Variants in HTR2A observed in about 807,000 individuals in gnomAD.
HTR2A encodes the protein 5-HT2 receptor.
In HTR2A, 14 loss-of-function variants were observed where a neutral mutation model predicts 31.0. That is an observed-to-expected ratio of 0.45 (90% CI 0.30 to 0.71). The LOEUF (loss-of-function observed/expected upper bound fraction) is 0.71. Among genes scored for constraint, HTR2A ranks in the 30% least tolerant of loss-of-function variants. The probability of loss-of-function intolerance (pLI) is 0.09; values close to 1 mark genes in which losing one functional copy is unlikely to be tolerated. For synonymous variants in HTR2A, 209 were observed against 225.2 expected (o/e 0.93, Z 0.64); for missense variants, 442 against 573.3 (o/e 0.77, Z 2.34).
At chr13:46,872,280 C>A (rs1950868035) in intron 3 of HTR2A, among the ~76,000 whole-genome samples, 1 of 152,134 alleles carries the variant, frequency 6.6e-6, no homozygotes, top group Admixed American at 6.5e-5. Flanking sequence ...TAAGACATAG[C>A]CCCTGTCCTT....
At chr13:46,892,354 AT>A in intron 3 of HTR2A, 35 bp downstream of exon 3, 1 of 1,586,912 alleles carries the variant, frequency 6.3e-7, no homozygotes. Context: ...ACGAACTGTC[AT>A]TTCAAATGAG....
chr13:46,887,054 C>A (rs879233377), intron 3 of HTR2A, among the ~76,000 whole-genome samples: 1 of 152,108 alleles, frequency 6.6e-6, no homozygotes. Flanking sequence ...CTAAAAGACT[C>A]CACTCTGGAG....
At chr13:46,876,396 A>ATT in intron 3 of HTR2A, among the ~76,000 whole-genome samples, 1 of 85,876 alleles carries the variant, frequency 1.2e-5, no homozygotes, top group Non-Finnish European at 2.1e-5. Flanking sequence ...ATATATATAT[A>ATT]TATATATATT....
chr13:46,863,152 G>A (rs1950792996), intron 3 of HTR2A, among the ~76,000 whole-genome samples: 1 of 151,960 alleles, frequency 6.6e-6, no homozygotes, highest in African/African-American at 2.4e-5. Flanking sequence ...AAGTATAAAT[G>A]GTTATACAAA....
In HTR2A at chr13:46,834,541, T is replaced by G; in HGVS notation, c.*296A>C. On this transcript the variant is annotated 3_prime_UTR_variant, in exon 4 of 4. Coordinates refer to ENST00000542664, the MANE Select transcript of HTR2A (RefSeq NM_000621.5). Reference sequence around the variant, plus strand: ...TTGAAAATAGAAGTTAATTTAGATTTACTTAGGGCTTCATAATTATACAAT... The same window carrying G: ...TTGAAAATAGAAGTTAATTTAGATTGACTTAGGGCTTCATAATTATACAAT... 1 of 295,960 alleles carries G rather than the reference T, an allele frequency of 3.4e-6. No homozygotes were observed. Among genetic ancestry groups the G allele is most frequent in the Non-Finnish European group, 6.3e-6 (1 of 159,344 alleles). The allele number at this position is 295,960 out of a possible 1,614,324, so 18.3% of individuals were successfully genotyped here.
At chr13:46,881,435 C>T (rs1337027176) in intron 3 of HTR2A, among the ~76,000 whole-genome samples, 1 of 152,122 alleles carries the variant, frequency 6.6e-6, no homozygotes, top group African/African-American at 2.4e-5. Context: ...TGGGGCAGTG[C>T]CTGGATCTCT....
chr13:46,832,414 ATACT>A lies in HTR2A; in HGVS notation c.*2419_*2422del, dbSNP rs1876276845. On this transcript the variant is annotated 3_prime_UTR_variant, in exon 4 of 4. Coordinates refer to ENST00000542664, the MANE Select transcript of HTR2A (RefSeq NM_000621.5). Reference sequence around the variant, plus strand: ...GCCTATACAGTATACACTTGAATAGATACTTATGGAAGAAAAAAACACATACACA... The same window carrying A: ...GCCTATACAGTATACACTTGAATAGATATGGAAGAAAAAAACACATACACA... The A allele has an allele frequency of 6.6e-6, 1 of 152,230 alleles. No homozygotes were observed. The highest frequency in any genetic ancestry group is 3.2e-3 in the Middle Eastern group (1 of 316). 9.4% of individuals were successfully genotyped at this position (152,230 alleles called of 1,614,324 possible). A position where few individuals can be genotyped will look rare whatever the true frequency, so the allele number is the denominator to read the frequency against.
chr13:46,881,086 G>A (rs902671485), intron 3 of HTR2A, among the ~76,000 whole-genome samples: 2 of 152,174 alleles, frequency 1.3e-5, no homozygotes, highest in African/African-American at 4.8e-5. Context: ...TGTCCCGAAG[G>A]ACAACCGAGG....
intron 3 of HTR2A, among the ~76,000 whole-genome samples, chr13:46,866,284 C>G (rs9534502): frequency 0.04 from 6,124 of 152,182 alleles, 167 homozygotes; most frequent in South Asian, 0.095. Flanking sequence ...ATAGGCTTAC[C>G]GAGAAAGCTG....
At chr13:46,891,387 G>A (rs1951051381) in intron 3 of HTR2A, among the ~76,000 whole-genome samples, 1 of 152,186 alleles carries the variant, frequency 6.6e-6, no homozygotes, top group East Asian at 1.9e-4. Context: ...TCATCTATAA[G>A]ATGGAGCTAC....
At chr13:46,873,445 AT>A in intron 3 of HTR2A, among the ~76,000 whole-genome samples, 2 of 148,116 alleles carry the variant, frequency 1.4e-5, no homozygotes, top group Non-Finnish European at 3.0e-5. Flanking sequence ...TATTATTATT[AT>A]TATTATTATT....
At chr13:46,850,485 G>T (rs958734206) in intron 3 of HTR2A, among the ~76,000 whole-genome samples, 1 of 152,188 alleles carries the variant, frequency 6.6e-6, no homozygotes, top group African/African-American at 2.4e-5. Flanking sequence ...CCACAGCCTG[G>T]CTCTGTAGTC....
chr13:46,840,717 A>G (rs1755926910), intron 3 of HTR2A, among the ~76,000 whole-genome samples: 1 of 152,176 alleles, frequency 6.6e-6, no homozygotes, highest in South Asian at 2.1e-4. Context: ...AAAGTCTATG[A>G]CTACCTCTGA....
In HTR2A at chr13:46,896,763, T is replaced by C; in HGVS notation, c.-418A>G. On this transcript the variant is annotated 5_prime_UTR_variant, in exon 1 of 4. Transcript: ENST00000542664. ...GTAATTAAACTGGTGTAGAGTCCCCTCTTCTTGATCTTCCACCAGCATAAT... is the reference window on the plus strand; with the variant it reads ...GTAATTAAACTGGTGTAGAGTCCCCCCTTCTTGATCTTCCACCAGCATAAT... 1 of 1,535,874 alleles carries C rather than the reference T, an allele frequency of 6.5e-7. No homozygotes were observed. The highest frequency in any genetic ancestry group is 8.7e-7 in the Non-Finnish European group (1 of 1,145,690).
Position 46,835,582 on chromosome 13 carries a change from T to A in HTR2A, c.671A>T (p.Glu224Val), listed in dbSNP as rs766250729. 2 of 1,613,986 alleles carry A rather than the reference T, an allele frequency of 1.2e-6. No homozygotes were observed. Among genetic ancestry groups the A allele is most frequent in the Non-Finnish European group, 1.7e-6 (2 of 1,179,922 alleles). Residue 224 changes from glutamate to valine, a missense_variant, in exon 4 of 4, where the codon GAG (glutamate) becomes GTG (valine). Physicochemically the swap from Glu to Val is moderately radical, Grantham distance 121. Around this residue, in one of 5 missense-constraint regions of HTR2A, gnomAD observed 174 missense variants for 195.1 expected, o/e 0.89. Transcript: ENST00000542664. ...GLQDDSKVFK[E>V]GSCLLADDNF... ...ATCATCGGCGAGTAAGCAACTCCCC[T>A]CCTTAAAGACCTTCGAATCGTCCTG...
chr13:46,842,639 C>T (rs975985400), intron 3 of HTR2A, among the ~76,000 whole-genome samples: 11 of 152,208 alleles, frequency 7.2e-5, no homozygotes, highest in Non-Finnish European at 2.9e-5. Flanking sequence ...TCAGCCCACC[C>T]TACAGGGTCT....
intron 3 of HTR2A, among the ~76,000 whole-genome samples, chr13:46,863,533 G>T (rs1174629297): frequency 1.3e-5 from 2 of 148,246 alleles, no homozygotes; most frequent in African/African-American, 2.5e-5. Context: ...TGAGGCAGGA[G>T]GATTGCTTGA....
intron 3 of HTR2A, among the ~76,000 whole-genome samples, chr13:46,850,937 G>A (rs1456338764): frequency 6.6e-6 from 1 of 152,070 alleles, no homozygotes; most frequent in Non-Finnish European, 1.5e-5. Context: ...TTGGTGTCCC[G>A]TACCTGTGCT....
In HTR2A at chr13:46,850,714, G is replaced by T. The variant is rs116621082; in HGVS notation, c.614-15075C>A. 4.1e-3 allele frequency among the ~76,000 whole-genome samples: 624 copies of T among 152,270 alleles called. 3 individuals are homozygous for T. Among genetic ancestry groups the T allele is most frequent in the African/African-American group, 0.014 (596 of 41,544 alleles). On this transcript the variant is annotated intron_variant, in intron 3 of 3. Transcript: ENST00000542664. ...GCCTCCTTTTATCTGTGCTTGTGTT[G>T]CAGGGGCTATACGTTTCTCATTTAG...
Sources: allele counts gnomAD v4.1 joint callset (sites outside exome capture counted in the v4.1 genomes callset), GRCh38; gene constraint gnomAD v4.1.1; regional missense constraint gnomAD v4.1.1; transcripts MANE v1.5; gene names NCBI Gene and HGNC (gene_info 2026-07-23, HGNC 2026-07-21).